CCDC146: variants seen among roughly 807,000 people sequenced by gnomAD.
The protein encoded by CCDC146 is coiled-coil domain containing 146.
Under a neutral mutation model 119.3 loss-of-function variants are expected in CCDC146, and 92 were observed. The ratio of observed to expected loss-of-function variants is 0.77; its 90% CI spans 0.65 to 0.92. The LOEUF (loss-of-function observed/expected upper bound fraction) is 0.92, where lower values mean the gene tolerates loss of function less well. Ranked by LOEUF, CCDC146 falls within the 40% of genes least tolerant of loss-of-function variation. CCDC146 has a pLI of 0.00. For synonymous variants in CCDC146, 372 were observed against 371.8 expected, an observed-to-expected ratio of 1.00 and a Z score of -0.01; for missense variants, 1,000 against 1,103.0, an observed-to-expected ratio of 0.91 and a Z score of 1.32.
In CCDC146 at chr7:77,159,403, T is replaced by C. The variant is rs117196703; in HGVS notation, c.-11-8255T>C. Among the ~76,000 whole-genome samples the C allele has an allele frequency of 8.5e-3, 1,289 of 152,320 alleles. 53 individuals carry two copies. The East Asian group carries it at 0.14, about 16-fold the overall frequency. ...CATATATAAGTGAGATCATATAGTA[T>C]TTGTATTTCTCTGTCTGCCTAAATA... is the stretch of plus-strand genomic sequence containing the variant. On this transcript the variant is annotated intron_variant, in intron 1 of 18. Transcript: ENST00000285871.
intron 2 of CCDC146, among the ~76,000 whole-genome samples, chr7:77,233,603 C>T (rs1792677411): frequency 6.6e-6 from 1 of 152,204 alleles, no homozygotes; most frequent in Non-Finnish European, 1.5e-5. Context: ...TGAAACTGTT[C>T]CACCGTAGAT....
At chr7:77,189,867 C>T (rs1338631087) in intron 2 of CCDC146, among the ~76,000 whole-genome samples, 1 of 152,210 alleles carries the variant, frequency 6.6e-6, no homozygotes, top group African/African-American at 2.4e-5. Flanking sequence ...CCTCCACAGA[C>T]AGGCCTCTTC....
chr7:77,264,546 C>T (rs909573845), intron 9 of CCDC146, among the ~76,000 whole-genome samples: 5 of 152,222 alleles, frequency 3.3e-5, no homozygotes, highest in Admixed American at 2.6e-4. Context: ...AGGTGCGAGC[C>T]ACCGCACCCA....
At chr7:77,154,783 T>G (rs1791157977) in intron 1 of CCDC146, among the ~76,000 whole-genome samples, 1 of 152,198 alleles carries the variant, frequency 6.6e-6, no homozygotes, top group Non-Finnish European at 1.5e-5. Flanking sequence ...TGTGTCTTTA[T>G]AGCAGCATGA....
At chr7:77,177,687 T>A (rs895652817) in intron 2 of CCDC146, among the ~76,000 whole-genome samples, 2 of 152,210 alleles carry the variant, frequency 1.3e-5, no homozygotes, top group African/African-American at 4.8e-5. Flanking sequence ...CTCTCCTTAG[T>A]TATCACCCCT....
intron 4 of CCDC146, among the ~76,000 whole-genome samples, chr7:77,250,156 A>G (rs546076124): frequency 1.3e-5 from 2 of 152,358 alleles, no homozygotes; most frequent in Admixed American, 1.3e-4. Context: ...ATGGGCATAC[A>G]TAAATATATA....
At chr7:77,147,244 A>G (rs1211437421) in intron 1 of CCDC146, among the ~76,000 whole-genome samples, 2 of 152,148 alleles carry the variant, frequency 1.3e-5, no homozygotes, top group Non-Finnish European at 2.9e-5. Flanking sequence ...TTCTCATGCC[A>G]TGGTTTTCAG....
chr7:77,273,704 T>C lies in CCDC146; in HGVS notation c.1184T>C (p.Ile395Thr), dbSNP rs535423986. The change falls in exon 10 of 19, where the codon ATC becomes ACC. Residue 395 changes from isoleucine to threonine, a missense_variant. Coordinates refer to ENST00000285871, the MANE Select transcript of CCDC146 (RefSeq NM_020879.3). Reference sequence around the variant, plus strand: ...AATTTTGATTTCCAGATGGAAGCTATCCCCAAAGATGATTCTACATTATCT... The same window carrying C: ...AATTTTGATTTCCAGATGGAAGCTACCCCCAAAGATGATTCTACATTATCT... Reference protein sequence around the residue: ...HQRLLLEMEAIPKDDSTLSER... With the variant: ...HQRLLLEMEATPKDDSTLSER... The C allele has an allele frequency of 1.2e-6, 2 of 1,607,044 alleles. No individual in the cohort carries two copies. The highest frequency in any genetic ancestry group is 4.5e-5 in the East Asian group (2 of 44,662).
chr7:77,206,670 T>TACAC (rs1396890817), intron 2 of CCDC146, among the ~76,000 whole-genome samples: 1 of 133,298 alleles, frequency 7.5e-6, no homozygotes, highest in African/African-American at 3.1e-5. Context: ...TATATATATA[T>TACAC]ATACACACAC....
Position 77,286,702 on chromosome 7 carries a change from G to T in CCDC146, c.2149-96G>T. 2.5e-6 allele frequency: 3 copies of T among 1,194,656 alleles called. No individual in the cohort carries two copies. In the South Asian group the frequency reaches 4.2e-5, roughly 17 times the overall value. The allele number at this position is 1,194,656 out of a possible 1,614,324, so 74.0% of individuals were successfully genotyped here. On this transcript the variant is annotated intron_variant, in intron 15 of 18. Transcript: ENST00000285871. ...TTCTCTTCTACCCTTGTCTGGGTTG[G>T]TCCTACTAAAAAACTCTCAAGACCC... is the stretch of plus-strand genomic sequence containing the variant.
At position 77,236,992 on chromosome 7, in the gene CCDC146, A is replaced by T; in HGVS notation, c.202A>T (p.Lys68Ter). Residue 68 changes from lysine to a stop codon, truncating the protein, a stop_gained, in exon 3 of 19, where the codon AAA becomes TAA. Transcript: ENST00000285871. LOFTEE classifies it high-confidence loss of function. The part of the protein sequence containing the change: ...KLPGTRMAAL[K>*]AKYTLLHDAV... ...TCCTGGAACCAGAATGGCAGCGTTAAAAGCCAAGTATACCTTGCTGCATGA... is the reference window on the plus strand; with the variant it reads ...TCCTGGAACCAGAATGGCAGCGTTATAAGCCAAGTATACCTTGCTGCATGA... 8 of 1,614,210 alleles carry T rather than the reference A, an allele frequency of 5.0e-6. No individual in the cohort carries two copies. The highest frequency in any genetic ancestry group is 6.8e-6 in the Non-Finnish European group (8 of 1,180,012).
At chr7:77,248,041 T>TC (rs1792987970) in intron 4 of CCDC146, among the ~76,000 whole-genome samples, 1 of 152,174 alleles carries the variant, frequency 6.6e-6, no homozygotes, top group Non-Finnish European at 1.5e-5. Flanking sequence ...TAAGTGTCTG[T>TC]CAAGAGATTG....
At chr7:77,234,535 G>C (rs1031294027) in intron 2 of CCDC146, among the ~76,000 whole-genome samples, 1 of 152,156 alleles carries the variant, frequency 6.6e-6, no homozygotes, top group Non-Finnish European at 1.5e-5. Flanking sequence ...AGGAGTTCAA[G>C]ACCAGCCTGG....
intron 5 of CCDC146, 92 bp downstream of exon 5, chr7:77,254,655 C>A: frequency 1.4e-6 from 1 of 702,788 alleles, no homozygotes; most frequent in South Asian, 1.9e-5. Context: ...CCACCATAGC[C>A]TGAAACATTT....
rs147919777 is a variant in CCDC146, at chr7:77,290,089, T to C, written c.2415+2512T>C. Among the ~76,000 whole-genome samples, 848 of 152,172 alleles carry C rather than the reference T, an allele frequency of 5.6e-3. 9 individuals carry two copies. The highest frequency in any genetic ancestry group is 0.018 in the African/African-American group (747 of 41,506). On this transcript the variant is annotated intron_variant, in intron 17 of 18. Coordinates refer to ENST00000285871, the MANE Select transcript of CCDC146 (RefSeq NM_020879.3). ...AAAAAGGATGAGTTCATGTCCTTTGTAGGGACATGGATGAAGCTGGAAACC... is the reference window on the plus strand; with the variant it reads ...AAAAAGGATGAGTTCATGTCCTTTGCAGGGACATGGATGAAGCTGGAAACC...
chr7:77,164,560 T>C (rs1024164331), intron 1 of CCDC146, among the ~76,000 whole-genome samples: 2 of 152,200 alleles, frequency 1.3e-5, no homozygotes, highest in African/African-American at 2.4e-5. Context: ...CTCTGAAGTA[T>C]TGTTGTAGCA....
At chr7:77,294,374 G>T (rs1274246850) in intron 18 of CCDC146, among the ~76,000 whole-genome samples, 1 of 151,878 alleles carries the variant, frequency 6.6e-6, no homozygotes, top group Non-Finnish European at 1.5e-5. Context: ...GTGTGGGGGT[G>T]TGTGTGTGTG....
At chr7:77,126,719 C>T (rs999466498) in intron 1 of CCDC146, among the ~76,000 whole-genome samples, 2 of 152,074 alleles carry the variant, frequency 1.3e-5, no homozygotes, top group African/African-American at 2.4e-5. Flanking sequence ...CTATCCTCTT[C>T]GTCCTTTGGC....
intron 15 of CCDC146, among the ~76,000 whole-genome samples, chr7:77,282,991 TC>T (rs1260750801): frequency 6.6e-6 from 1 of 152,248 alleles, no homozygotes; most frequent in Non-Finnish European, 1.5e-5. Flanking sequence ...TGTCTTTTTT[TC>T]TTATGAAGCA....
Sources: allele counts gnomAD v4.1 joint callset (sites outside exome capture counted in the v4.1 genomes callset), GRCh38; gene constraint gnomAD v4.1.1; transcripts MANE v1.5; gene names NCBI Gene and HGNC (gene_info 2026-07-23, HGNC 2026-07-21).